The following RASA3 variants were observed in gnomAD, a reference collection of about 807,000 sequenced individuals.
RASA3 encodes ras GTPase-activating protein 3.
Under a neutral mutation model 110.0 loss-of-function variants are expected in RASA3, and 73 were observed. That is an observed-to-expected ratio of 0.66 (90% CI 0.55 to 0.81). The LOEUF is 0.81. Ranked by LOEUF, RASA3 falls within the 30% of genes least tolerant of loss-of-function variation. The pLI is 0.00. For synonymous variants in RASA3, 500 were observed against 451.4 expected, an observed-to-expected ratio of 1.11 and a Z score of -1.37; for missense variants, 976 against 1,113.2, an observed-to-expected ratio of 0.88 and a Z score of 1.75.
intron 1 of RASA3, among the ~76,000 whole-genome samples, chr13:114,113,563 ACC>A (rs2080243911): frequency 6.6e-6 from 1 of 151,634 alleles, no homozygotes; most frequent in South Asian, 2.1e-4. Context: ...CAATCCACCC[ACC>A]ACGGCGAGTG....
intron 3 of RASA3, among the ~76,000 whole-genome samples, chr13:114,045,817 G>A (rs1159060799): frequency 6.6e-6 from 1 of 152,184 alleles, no homozygotes; most frequent in Non-Finnish European, 1.5e-5. Flanking sequence ...GACTACCTCA[G>A]AAATCTTTAA....
intron 1 of RASA3, among the ~76,000 whole-genome samples, chr13:114,106,035 T>C (rs1445264866): frequency 6.6e-6 from 1 of 151,866 alleles, no homozygotes; most frequent in Non-Finnish European, 1.5e-5. Context: ...AGGCACTGAG[T>C]GGGAGGAAGA....
At chr13:114,010,022 T>C (rs1259665424) in intron 16 of RASA3, among the ~76,000 whole-genome samples, 1 of 152,216 alleles carries the variant, frequency 6.6e-6, no homozygotes, top group Non-Finnish European at 1.5e-5. Context: ...GTTCCCTGGC[T>C]GTGAAATGAG....
At chr13:114,106,082 G>A (rs2080132035) in intron 1 of RASA3, among the ~76,000 whole-genome samples, 1 of 152,174 alleles carries the variant, frequency 6.6e-6, no homozygotes, top group African/African-American at 2.4e-5. Flanking sequence ...ACATCGCAGA[G>A]CGGCACACGG....
intron 1 of RASA3, among the ~76,000 whole-genome samples, chr13:114,082,362 C>T (rs982720624): frequency 2.0e-5 from 3 of 152,226 alleles, no homozygotes; most frequent in Non-Finnish European, 4.4e-5. Flanking sequence ...ATCGGCTGCA[C>T]CTTGGGAGCA....
chr13:114,041,909 G>T (rs888505821), intron 3 of RASA3, among the ~76,000 whole-genome samples: 1 of 152,186 alleles, frequency 6.6e-6, no homozygotes, highest in Admixed American at 6.5e-5. Flanking sequence ...GCTCTGGTGT[G>T]GGCTGGAATC....
At chr13:114,066,920 G>A (rs1232866826) in intron 2 of RASA3, among the ~76,000 whole-genome samples, 1 of 132,518 alleles carries the variant, frequency 7.5e-6, no homozygotes, top group African/African-American at 2.8e-5. Context: ...CTGGGCTGAG[G>A]ATGGGCCCAA....
intron 22 of RASA3, among the ~76,000 whole-genome samples, chr13:113,992,124 C>T (rs547533555): frequency 2.1e-4 from 32 of 152,342 alleles, no homozygotes; most frequent in Admixed American, 5.2e-4. Flanking sequence ...ACATCTCATA[C>T]GTGTGTCCGC....
intron 2 of RASA3, among the ~76,000 whole-genome samples, chr13:114,061,272 G>A (rs1192481672): frequency 2.6e-5 from 4 of 152,044 alleles, no homozygotes; most frequent in African/African-American, 7.2e-5. Context: ...ACGCTGCCTT[G>A]ATGCGTGGGG....
rs543511970 is a variant in RASA3, at chr13:114,031,917, T to G, written c.373-2030A>C. ...AGCAGCCCTGCAGCACGTGGCCTGG[T>G]GCAGAACCTCGGATGGAGCAGGGAC... On this transcript the variant is annotated intron_variant, in intron 4 of 23. Coordinates refer to ENST00000334062, the MANE Select transcript of RASA3 (RefSeq NM_007368.4). Among the ~76,000 whole-genome samples, 265 of 152,270 alleles carry G rather than the reference T, an allele frequency of 1.7e-3. 3 individuals are homozygous for G. Among genetic ancestry groups the G allele is most frequent in the African/African-American group, 6.1e-3 (253 of 41,528 alleles).
chr13:114,119,299 A>T (rs1010743386), intron 1 of RASA3, among the ~76,000 whole-genome samples: 1 of 152,236 alleles, frequency 6.6e-6, no homozygotes, highest in Non-Finnish European at 1.5e-5. Context: ...CTTTCTCTAA[A>T]TACTGGAGGA....
rs1030456231 is a variant in RASA3 at position 114,011,246 on chromosome 13, G to A, written c.1515C>T (p.Asp505=). Residue 505 remains aspartate (D), a splice_region_variant and synonymous_variant, in exon 16 of 24, where the codon GAC becomes GAT. Transcript: ENST00000334062. The surrounding 1 kb of genome is among the most constrained non-coding windows in gnomAD (Gnocchi z 4.8). The stretch of plus-strand genomic sequence containing the variant: ...ATGTCAGCGTCCTGGACGTCTGGGG[G>A]TCCTGGGGAGGCGGGAGCAAGAAAG... ...NLFQLTPHHT[D]PQTSRTLTLI... 1.2e-6 allele frequency: 2 copies of A among 1,612,076 alleles called. No homozygotes were observed. Among genetic ancestry groups the A allele is most frequent in the Non-Finnish European group, 1.7e-6 (2 of 1,179,380 alleles).
At chr13:114,012,592 ACTC>A (rs72046373) in intron 15 of RASA3, among the ~76,000 whole-genome samples, 1,936 of 104,090 alleles carry the variant, frequency 0.019, 63 homozygotes, top group African/African-American at 0.07. Flanking sequence ...TTCCACACAC[ACTC>A]CTCATTCCAC....
intron 2 of RASA3, among the ~76,000 whole-genome samples, chr13:114,066,627 A>G (rs2079455526): frequency 6.6e-6 from 1 of 152,214 alleles, no homozygotes; most frequent in African/African-American, 2.4e-5. Context: ...GTAGACACTC[A>G]GTACTCACAG....
At chr13:114,109,260 G>A (rs1368988425) in intron 1 of RASA3, among the ~76,000 whole-genome samples, 4 of 152,124 alleles carry the variant, frequency 2.6e-5, no homozygotes, top group Non-Finnish European at 4.4e-5. Flanking sequence ...TGTGAACGGC[G>A]ACCACGTGAA....
chr13:114,108,765 C>T (rs2080175728), intron 1 of RASA3: 2 of 152,138 alleles, frequency 1.3e-5, no homozygotes, highest in African/African-American at 2.4e-5. Flanking sequence ...TCTGATACCT[C>T]GAGGACACTC....
chr13:113,999,747 C>CG lies in RASA3; in HGVS notation c.1850-81dup, dbSNP rs1188293666. 36 of 787,344 alleles carry CG rather than the reference C, an allele frequency of 4.6e-5. 1 individual carries two copies. The highest frequency in any genetic ancestry group is 3.1e-4 in the South Asian group (21 of 67,124). 48.8% of individuals were successfully genotyped at this position (787,344 alleles called of 1,614,324 possible). A position where few individuals can be genotyped will look rare whatever the true frequency, so the allele number is the denominator to read the frequency against. On this transcript the variant is annotated intron_variant, in intron 19 of 23. Coordinates refer to ENST00000334062, the MANE Select transcript of RASA3 (RefSeq NM_007368.4). ...CCGGGTGGGGCTGAGGGGTCTCTGC[C>CG]GGGGGGTCTCCCAGGGGGTCTTTAC...
intron 18 of RASA3, 24 bp from the exon 19 acceptor site, chr13:114,000,956 G>A (rs376543633): frequency 7.1e-6 from 11 of 1,544,314 alleles, no homozygotes; most frequent in Admixed American, 5.0e-5. Flanking sequence ...ACACAGGGCC[G>A]GGGTCCGGGC....
At chr13:114,111,680 G>A (rs66641360) in intron 1 of RASA3, among the ~76,000 whole-genome samples, 16,893 of 95,080 alleles carry the variant, frequency 0.18, 2,460 homozygotes, top group Admixed American at 0.26. Context: ...AGAGCCCAGC[G>A]TCTCCATGTC....
Sources: gnomAD v4.1 joint callset for allele counts (sites outside exome capture counted in the v4.1 genomes callset) on GRCh38, gnomAD v4.1.1 for gene constraint, Gnocchi (gnomAD v3.1) non-coding constraint, MANE v1.5 for transcripts, NCBI Gene and HGNC (gene_info 2026-07-23, HGNC 2026-07-21) for gene names.